The following BCAP29 variants were observed in gnomAD, a reference collection of about 807,000 sequenced individuals.
The protein encoded by BCAP29 is B-cell receptor-associated protein 29.
Under a neutral mutation model 31.8 loss-of-function variants are expected in BCAP29, and 34 were observed. The ratio of observed to expected loss-of-function variants is 1.07; its 90% CI spans 0.81 to 1.42. BCAP29 has a LOEUF of 1.42. Ranked by LOEUF, BCAP29 falls within the 40% of genes most tolerant of loss-of-function variation. The pLI is 0.00. For synonymous variants in BCAP29, 104 were observed against 91.3 expected (o/e 1.14, Z -0.79); for missense variants, 314 against 269.2 (o/e 1.17, Z -1.16).
rs568231429 is a variant in BCAP29 at position 107,588,063 on chromosome 7, C to A, written c.193+4081C>A. 9.9e-4 allele frequency: 150 copies of A among 152,152 alleles called. 3 individuals are homozygous for A. The highest frequency in any genetic ancestry group is 9.7e-3 in the Admixed American group (149 of 15,292). 9.4% of individuals were successfully genotyped at this position (152,152 alleles called of 1,614,324 possible). ...TGAACATAGTACTCTTAACTTTTTA[C>A]CTCGCTGGTAGGGTACATTTTAAGA... On this transcript the variant is annotated intron_variant, in intron 3 of 7. Transcript: ENST00000005259.
intron 3 of BCAP29, among the ~76,000 whole-genome samples, chr7:107,589,926 A>G (rs892063336): frequency 6.6e-6 from 1 of 152,168 alleles, no homozygotes; most frequent in Non-Finnish European, 1.5e-5. Flanking sequence ...GGGATTACAG[A>G]TGAGAGCTAC....
chr7:107,608,596 T>A (rs1812589571), intron 6 of BCAP29, among the ~76,000 whole-genome samples: 1 of 152,214 alleles, frequency 6.6e-6, no homozygotes, highest in Non-Finnish European at 1.5e-5. Flanking sequence ...TTTTTTTTAA[T>A]TGGGCTGGAT....
chr7:107,586,288 G>T (rs180908218), intron 3 of BCAP29, among the ~76,000 whole-genome samples: 1 of 152,204 alleles, frequency 6.6e-6, no homozygotes, highest in Admixed American at 6.5e-5. Flanking sequence ...CATCATCTCT[G>T]AATCCCAATT....
At chr7:107,609,504 A>C (rs1392816931) in intron 6 of BCAP29, among the ~76,000 whole-genome samples, 1 of 152,240 alleles carries the variant, frequency 6.6e-6, no homozygotes, top group Admixed American at 6.5e-5. Flanking sequence ...AAAGGAACTT[A>C]ACAGCTATCA....
chr7:107,611,193 G>C (rs1225808149), intron 6 of BCAP29, among the ~76,000 whole-genome samples: 2 of 152,084 alleles, frequency 1.3e-5, no homozygotes, highest in African/African-American at 4.8e-5. Flanking sequence ...CTCCCAATAC[G>C]ATCACATTGG....
At chr7:107,622,092 T>C (rs939410697), downstream of BCAP29, 5 of 421,416 alleles carry the variant, frequency 1.2e-5, no homozygotes, top group African/African-American at 1.0e-4. Flanking sequence ...GCCATTGTCG[T>C]TGCCATTGCC....
intron 6 of BCAP29, among the ~76,000 whole-genome samples, chr7:107,610,214 T>C (rs557179212): frequency 3.7e-4 from 56 of 152,334 alleles, no homozygotes; most frequent in Non-Finnish European, 7.5e-4. Context: ...GACCATAACC[T>C]AGGACATAAC....
chr7:107,615,419 A>G (rs1813937382), intron 7 of BCAP29: 1 of 421,994 alleles, frequency 2.4e-6, no homozygotes, highest in Non-Finnish European at 4.8e-6. Flanking sequence ...ACAAGGTGAA[A>G]CCCTGTCTCT....
At chr7:107,593,890 T>C (rs1159408658) in intron 3 of BCAP29, 65 bp from the exon 4 acceptor site, 1 of 1,485,884 alleles carries the variant, frequency 6.7e-7, no homozygotes. Flanking sequence ...TAAAACTGCT[T>C]TCCATTTTTA....
chr7:107,596,548 C>T (rs1411411860), intron 5 of BCAP29, among the ~76,000 whole-genome samples: 1 of 152,102 alleles, frequency 6.6e-6, no homozygotes, highest in Non-Finnish European at 1.5e-5. Context: ...AAAACACAGT[C>T]ATTAAAGCTT....
chr7:107,584,049 G>C (rs965312118), intron 3 of BCAP29, 67 bp downstream of exon 3: 2 of 892,262 alleles, frequency 2.2e-6, no homozygotes, highest in African/African-American at 3.5e-5. Flanking sequence ...TTAATTAATA[G>C]AGTTGATGTT....
At chr7:107,611,536 T>G (rs1813128267) in intron 6 of BCAP29, among the ~76,000 whole-genome samples, 2 of 152,116 alleles carry the variant, frequency 1.3e-5, no homozygotes, top group Non-Finnish European at 2.9e-5. Context: ...AAATCCAGGG[T>G]CTTAAACTTT....
At chr7:107,613,530 G>C (rs1244641518) in intron 7 of BCAP29, 98 bp downstream of exon 7, 4 of 1,308,676 alleles carry the variant, frequency 3.1e-6, no homozygotes, top group Non-Finnish European at 4.3e-6. Flanking sequence ...TCAAGATGAT[G>C]TACTTAATCC....
chr7:107,600,887 A>T (rs1451341653), intron 6 of BCAP29, among the ~76,000 whole-genome samples: 5 of 152,212 alleles, frequency 3.3e-5, no homozygotes, highest in Non-Finnish European at 7.3e-5. Context: ...AAGAAAATAT[A>T]TTGTTTATTT....
At chr7:107,593,910 T>C in intron 3 of BCAP29, 45 bp from the exon 4 acceptor site, 1 of 1,543,546 alleles carries the variant, frequency 6.5e-7, no homozygotes. Context: ...AACAAGCTTA[T>C]ATTCGTAAAA....
intron 6 of BCAP29, among the ~76,000 whole-genome samples, chr7:107,607,608 C>T (rs181419945): frequency 4.0e-5 from 6 of 151,292 alleles, no homozygotes; most frequent in African/African-American, 1.2e-4. Context: ...TACCCTCTTT[C>T]CTGAATTCCA....
At chr7:107,583,220 A>G (rs1452614948) in intron 2 of BCAP29, among the ~76,000 whole-genome samples, 1 of 151,972 alleles carries the variant, frequency 6.6e-6, no homozygotes, top group Non-Finnish European at 1.5e-5. Context: ...GTCTTTGTTT[A>G]TACTGTTCAA....
At chr7:107,595,254 T>C (rs1309941454) in intron 4 of BCAP29, among the ~76,000 whole-genome samples, 1 of 152,212 alleles carries the variant, frequency 6.6e-6, no homozygotes, top group Non-Finnish European at 1.5e-5. Flanking sequence ...GTGTCATTCA[T>C]GGTTGTAATT....
chr7:107,606,324 A>G (rs1812086435), intron 6 of BCAP29, among the ~76,000 whole-genome samples: 1 of 152,220 alleles, frequency 6.6e-6, no homozygotes, highest in Non-Finnish European at 1.5e-5. Flanking sequence ...AGCTCCAAAT[A>G]ATGTAATTAA....
Sources: allele counts gnomAD v4.1 joint callset (sites outside exome capture counted in the v4.1 genomes callset), GRCh38; gene constraint gnomAD v4.1.1; transcripts MANE v1.5; gene names NCBI Gene and HGNC (gene_info 2026-07-23, HGNC 2026-07-21).